Variants in TRMT10A observed in about 807,000 individuals in gnomAD.
TRMT10A encodes the protein tRNA methyltransferase 10 homolog A.
A neutral mutation model predicts 40.4 loss-of-function variants in TRMT10A; 37 were observed. The ratio of observed to expected loss-of-function variants is 0.92; its 90% confidence interval spans 0.71 to 1.21. The LOEUF (loss-of-function observed/expected upper bound fraction) is 1.21, where lower values mean the gene tolerates loss of function less well. Among genes scored for constraint, TRMT10A ranks in the 50% most tolerant of loss-of-function variants. The pLI, the probability that TRMT10A is intolerant of heterozygous loss-of-function variation, is 0.00. For synonymous variants in TRMT10A, 103 were observed against 134.1 expected, an observed-to-expected ratio of 0.77 and a Z score of 1.60; for missense variants, 388 against 404.3, an observed-to-expected ratio of 0.96 and a Z score of 0.35.
chr4:99,549,427 T>C, intron 7 of TRMT10A, 71 bp from the exon 8 acceptor site: 2 of 1,543,868 alleles, frequency 1.3e-6, no homozygotes, highest in Non-Finnish European at 1.8e-6. Context: ...TCTTTTAAAA[T>C]ACATTGCCTT....
rs1723942316 is a variant in TRMT10A, at chr4:99,550,981, ATG to A, written c.653_654del (p.Thr218IlefsTer2). The A allele has an allele frequency of 6.2e-7, 1 of 1,610,238 alleles. No individual in the cohort carries two copies. Reference protein sequence around the residue: ...LVDHNHHKGLTYKQASDYGIN... With the variant: ...LVDHNHHKGLXYKQASDYGIN... ...ATTCCATAATCTGACGCTTGTTTAT[ATG>A]TGAGTCCCTAAAACAAAGACACTAT... On this transcript the variant is annotated frameshift_variant, in exon 7 of 8. Coordinates refer to ENST00000394876, the MANE Select transcript of TRMT10A (RefSeq NM_001134665.3). LOFTEE classifies it high-confidence loss of function.
At chr4:99,561,787 T>C (rs918028587) in intron 1 of TRMT10A, among the ~76,000 whole-genome samples, 1 of 152,212 alleles carries the variant, frequency 6.6e-6, no homozygotes, top group African/African-American at 2.4e-5. Flanking sequence ...GCAGAGTTTT[T>C]CATTCCTTTC....
At chr4:99,551,049 T>A in intron 6 of TRMT10A, 59 bp from the exon 7 acceptor site, 3 of 1,193,982 alleles carry the variant, frequency 2.5e-6, no homozygotes, top group Non-Finnish European at 3.5e-6. Context: ...GTTTCTGTAA[T>A]AGTATAAATA....
At chr4:99,559,109 A>G (rs754783974) in intron 2 of TRMT10A, 45 bp downstream of exon 2, 10 of 1,554,350 alleles carry the variant, frequency 6.4e-6, no homozygotes, top group East Asian at 2.3e-5. Flanking sequence ...TTAACATTGC[A>G]TATCTCTAAA....
intron 6 of TRMT10A, among the ~76,000 whole-genome samples, chr4:99,552,169 A>G (rs1935374382): frequency 6.6e-6 from 1 of 152,184 alleles, no homozygotes; most frequent in Admixed American, 6.5e-5. Flanking sequence ...GCATAAGTGT[A>G]CAGTATTTAT....
rs774760866 is a variant in TRMT10A, at chr4:99,550,877, C to T, written c.751+8G>A. ...AGGTATATTTTCAGTTTATCCCTTA[C>T]AGCTTACCATGATTAACTGCCAAAA... On this transcript the variant is annotated splice_region_variant and intron_variant, in intron 7 of 7. Transcript: ENST00000394876. 3 of 1,597,552 alleles carry T rather than the reference C, an allele frequency of 1.9e-6. No individual in the cohort carries two copies. The highest frequency in any genetic ancestry group is 2.2e-5 in the East Asian group (1 of 44,560).
chr4:99,562,384 T>C (rs1327545938), intron 1 of TRMT10A, among the ~76,000 whole-genome samples: 1 of 151,508 alleles, frequency 6.6e-6, no homozygotes, highest in Non-Finnish European at 1.5e-5. Context: ...AAAACTGCAT[T>C]AAGTTATGGA....
rs1484021781 is a variant in TRMT10A, at chr4:99,548,605, A to G, written c.*483T>C. On this transcript the variant is annotated 3_prime_UTR_variant, in exon 8 of 8. Coordinates refer to ENST00000394876, the MANE Select transcript of TRMT10A (RefSeq NM_001134665.3). ...TTCCTAAAATTACTACATTCTTTCA[A>G]GTAACTAATTTAAACATAAAAGCTG... 2 of 152,466 alleles carry G rather than the reference A, an allele frequency of 1.3e-5. No individual in the cohort carries two copies. Among genetic ancestry groups the G allele is most frequent in the Non-Finnish European group, 2.9e-5 (2 of 68,224 alleles). The allele number at this position is 152,466 out of a possible 1,614,324, so 9.4% of individuals were successfully genotyped here.
chr4:99,559,043 T>G (rs577445530), intron 2 of TRMT10A, 111 bp downstream of exon 2: 20 of 1,155,584 alleles, frequency 1.7e-5, no homozygotes, highest in Non-Finnish European at 2.2e-5. Context: ...CTAAAATTAG[T>G]AATTGAATTT....
At position 99,557,358 on chromosome 4, in the gene TRMT10A, AGT is replaced by A. The variant is rs1724202155; in HGVS notation, c.405_406del (p.Leu136AlafsTer20). On this transcript the variant is annotated frameshift_variant, in exon 4 of 8. Transcript: ENST00000394876. LOFTEE classifies it high-confidence loss of function. Reference sequence around the variant, plus strand: ...CTTTACACATACCTGCACAGGATGCAGTGCCCGTCGGTTTTCTGCGTAACATC... The same window carrying A: ...CTTTACACATACCTGCACAGGATGCAGCCCGTCGGTTTTCTGCGTAACATC... 3.1e-6 allele frequency: 5 copies of A among 1,613,292 alleles called. No individual in the cohort carries two copies.
At position 99,550,949 on chromosome 4, in the gene TRMT10A, A is replaced by G. The variant is rs1441118056; in HGVS notation, c.687T>C (p.His229=). The change falls in exon 7 of 8, where the codon CAT becomes CAC. Residue 229 remains histidine (H), a synonymous_variant. Transcript: ENST00000394876. The stretch of plus-strand genomic sequence containing the variant: ...CAAAATTTCCAAGTGGGAGCTGTGC[A>G]TGATTGATTCCATAATCTGACGCTT... ...YKQASDYGIN[H]AQLPLGNFVK... The G allele has an allele frequency of 6.2e-7, 1 of 1,612,984 alleles. No homozygotes were observed. The highest frequency in any genetic ancestry group is 1.7e-5 in the Admixed American group (1 of 59,930).
Position 99,553,918 on chromosome 4 carries a change from G to A in TRMT10A, c.512C>T (p.Pro171Leu). The A allele has an allele frequency of 6.2e-7, 1 of 1,612,760 alleles. No individual in the cohort carries two copies. Reference sequence around the variant, plus strand: ...CTTTATGAGTTCACTATAGTGCTCTGGTTTGATATGGATATCCTTTAAGAC... The same window carrying A: ...CTTTATGAGTTCACTATAGTGCTCTAGTTTGATATGGATATCCTTTAAGAC... ...WVNWKDIHIK[P>L]EHYSELIKKE... The change falls in exon 6 of 8, where the codon CCA becomes CTA. Residue 171 changes from proline to leucine, a missense_variant. Transcript: ENST00000394876.
intron 5 of TRMT10A, among the ~76,000 whole-genome samples, chr4:99,554,292 C>A (rs6854911): frequency 0.18 from 27,463 of 152,132 alleles, 2,517 homozygotes; most frequent in South Asian, 0.3. Flanking sequence ...CTGAATATGG[C>A]AGTAATCTAC....
Position 99,563,902 on chromosome 4 carries a change from A to T in TRMT10A, c.-24+11T>A. 1 of 744,612 alleles carries T rather than the reference A, an allele frequency of 1.3e-6. No individual in the cohort carries two copies. The highest frequency in any genetic ancestry group is 2.3e-6 in the Non-Finnish European group (1 of 425,642). 46.1% of individuals were successfully genotyped at this position (744,612 alleles called of 1,614,324 possible). On this transcript the variant is annotated intron_variant, in intron 1 of 7. Transcript: ENST00000394876. ...GTGCGGGGGAGCGCCAACCAGTGCC[A>T]GGACACTTACCGAGCTGAAGAGTTG... is the stretch of plus-strand genomic sequence containing the variant.
chr4:99,562,867 G>T (rs1204908103), intron 1 of TRMT10A, among the ~76,000 whole-genome samples: 1 of 151,812 alleles, frequency 6.6e-6, no homozygotes, highest in Non-Finnish European at 1.5e-5. Flanking sequence ...TGTTGCCCAG[G>T]CTGGAGTGCA....
At chr4:99,551,067 G>A in intron 6 of TRMT10A, 77 bp from the exon 7 acceptor site, 1 of 1,072,742 alleles carries the variant, frequency 9.3e-7, no homozygotes, top group East Asian at 2.7e-5. Context: ...ATAATTTTTA[G>A]ATAAGATTTA....
At chr4:99,558,471 T>C (rs554074982) in intron 2 of TRMT10A, among the ~76,000 whole-genome samples, 5 of 152,252 alleles carry the variant, frequency 3.3e-5, no homozygotes, top group African/African-American at 1.2e-4. Flanking sequence ...TAGTTTCATT[T>C]GTTATTGGTA....
intron 6 of TRMT10A, 100 bp from the exon 7 acceptor site, chr4:99,551,090 TTTATAGTTCAGAG>T: frequency 2.4e-6 from 2 of 820,964 alleles, no homozygotes; most frequent in Non-Finnish European, 3.7e-6. Context: ...GTTCAGAGAA[TTTATAGTTCAGAG>T]AATATTATCT....
At chr4:99,557,490 G>T in intron 3 of TRMT10A, 74 bp from the exon 4 acceptor site, 1 of 1,310,540 alleles carries the variant, frequency 7.6e-7, no homozygotes, top group Non-Finnish European at 1.1e-6. Flanking sequence ...TAAAGGAATG[G>T]AATAAGCAGA....
Sources: gnomAD v4.1 joint callset for allele counts (sites outside exome capture counted in the v4.1 genomes callset) on GRCh38, gnomAD v4.1.1 for gene constraint, MANE v1.5 for transcripts, NCBI Gene and HGNC (gene_info 2026-07-23, HGNC 2026-07-21) for gene names.